Variants in TLK2 observed in about 807,000 individuals in gnomAD.
The protein encoded by TLK2 is serine/threonine-protein kinase tousled-like 2.
In TLK2, 6 loss-of-function variants were observed where a neutral mutation model predicts 117.3. The observed-to-expected ratio is 0.05, with a 90% CI of 0.03 to 0.10. The LOEUF is 0.10. TLK2 is among the 10% of genes least tolerant of loss of function. The probability of loss-of-function intolerance (pLI) is 1.00; values close to 1 mark genes in which losing one functional copy is unlikely to be tolerated. For missense variants in TLK2, 299 were observed against 901.2 expected, an observed-to-expected ratio of 0.33 and a Z score of 8.56; for synonymous variants, 257 against 316.7, an observed-to-expected ratio of 0.81 and a Z score of 2.00.
At chr17:62,500,223 C>T (rs2074075390) in intron 2 of TLK2, among the ~76,000 whole-genome samples, 1 of 151,646 alleles carries the variant, frequency 6.6e-6, no homozygotes, top group African/African-American at 2.4e-5. Context: ...GTGTGTACTA[C>T]CACACCTGGC....
chr17:62,560,920 G>A (rs2079216648), intron 10 of TLK2, among the ~76,000 whole-genome samples: 1 of 152,012 alleles, frequency 6.6e-6, no homozygotes, highest in African/African-American at 2.4e-5. Flanking sequence ...TTGATGTGCT[G>A]CATCCATCAA....
At chr17:62,483,593 C>T (rs1357681175) in intron 2 of TLK2, among the ~76,000 whole-genome samples, 1 of 152,202 alleles carries the variant, frequency 6.6e-6, no homozygotes, top group Non-Finnish European at 1.5e-5. Context: ...ACCTCCATCT[C>T]CCAGTCTCAA....
chr17:62,542,300 T>TGGG lies in TLK2; in HGVS notation c.531+5965_531+5966insGGG, dbSNP rs543052830. 4.5e-4 allele frequency among the ~76,000 whole-genome samples: 69 copies of TGGG among 152,354 alleles called. 1 individual carries two copies. In the South Asian group the frequency reaches 0.012, roughly 26 times the overall value. ...TCCTTATTTAATCTTATTTATTTAT[T>TGGG]GGTGGAGACAGGGTCCCACTGTGTT... On this transcript the variant is annotated intron_variant, in intron 7 of 21. Coordinates refer to ENST00000346027, the MANE Select transcript of TLK2 (RefSeq NM_006852.6).
At chr17:62,543,069 T>G (rs1177045003) in intron 7 of TLK2, among the ~76,000 whole-genome samples, 1 of 152,230 alleles carries the variant, frequency 6.6e-6, no homozygotes, top group Non-Finnish European at 1.5e-5. Context: ...CTTAGTTCTT[T>G]CCTTTTAATT....
chr17:62,493,370 T>C lies in TLK2; in HGVS notation c.81+12164T>C, dbSNP rs1306094944. Among the ~76,000 whole-genome samples the C allele has an allele frequency of 2.6e-5, 4 of 152,234 alleles. No homozygotes were observed. In the East Asian group the frequency reaches 7.7e-4, roughly 29 times the overall value. The stretch of plus-strand genomic sequence containing the variant: ...GCATATACCACATCTTGTTTATTCA[T>C]TCATCTGTTGATGGACCCTCGGGTT... On this transcript the variant is annotated intron_variant, in intron 2 of 21. Coordinates refer to ENST00000346027, the MANE Select transcript of TLK2 (RefSeq NM_006852.6).
At chr17:62,607,934 A>G in intron 20 of TLK2, 107 bp from the exon 21 acceptor site, 2 of 910,712 alleles carry the variant, frequency 2.2e-6, no homozygotes, top group South Asian at 1.8e-5. Context: ...CCTTGCAGCA[A>G]TTCAAATTAG....
Position 62,614,090 on chromosome 17 carries a change from A to G in TLK2, c.*1525A>G, listed in dbSNP as rs1005136359. 2 of 150,770 alleles carry G rather than the reference A, an allele frequency of 1.3e-5. No individual in the cohort carries two copies. The highest frequency in any genetic ancestry group is 2.4e-5 in the African/African-American group (1 of 40,996). The allele number at this position is 150,770 out of a possible 1,614,324, so 9.3% of individuals were successfully genotyped here. A position where few individuals can be genotyped will look rare whatever the true frequency, so the allele number is the denominator to read the frequency against. On this transcript the variant is annotated 3_prime_UTR_variant, in exon 22 of 22. Transcript: ENST00000346027. ...AGTGAGCCGAGATGGCACCACTGCA[A>G]TCCAGCCTAGGCAACAGAATGAGAC...
rs571680424 is a variant in TLK2, at chr17:62,608,121, A to G, written c.2052A>G (p.Pro684=). Residue 684 remains proline, a synonymous_variant, in exon 21 of 22, where the codon CCA becomes CCG. Coordinates refer to ENST00000346027, the MANE Select transcript of TLK2 (RefSeq NM_006852.6). ...AAGCTACTGAAGTGCAGTTCCCGCC[A>G]AAGCCAGTAGTAACACCTGAAGCAA... ...ILKATEVQFP[P]KPVVTPEAKA... 7 of 1,613,996 alleles carry G rather than the reference A, an allele frequency of 4.3e-6. No homozygotes were observed. The South Asian group carries it at 7.7e-5, about 18-fold the overall frequency.
intron 2 of TLK2, among the ~76,000 whole-genome samples, chr17:62,484,785 G>A (rs545227435): frequency 2.7e-4 from 41 of 152,104 alleles, no homozygotes; most frequent in African/African-American, 8.9e-4. Context: ...GGCCAGGCAC[G>A]GTGGCTCACG....
At chr17:62,502,029 A>AT (rs371212708) in intron 2 of TLK2, among the ~76,000 whole-genome samples, 20,944 of 137,432 alleles carry the variant, frequency 0.15, 1,844 homozygotes, top group Non-Finnish European at 0.2. Flanking sequence ...AAAAATACCA[A>AT]TTTTTTTTTT....
intron 16 of TLK2, among the ~76,000 whole-genome samples, chr17:62,590,127 C>A (rs1439268941): frequency 2.6e-4 from 37 of 141,606 alleles, no homozygotes; most frequent in South Asian, 5.2e-4. Flanking sequence ...AAAAAAAAAA[C>A]AAAAAAAACA....
intron 2 of TLK2, chr17:62,516,821 T>G (rs2075636205): frequency 2.7e-6 from 3 of 1,117,282 alleles, no homozygotes; most frequent in Non-Finnish European, 2.6e-6. Context: ...TTAGTTCTTA[T>G]GTTTAGGTCT....
rs2083949643 is a variant in TLK2 at position 62,613,839 on chromosome 17, T to C, written c.*1274T>C. The C allele has an allele frequency of 6.6e-6, 1 of 152,058 alleles. No homozygotes were observed. The highest frequency in any genetic ancestry group is 2.4e-5 in the African/African-American group (1 of 41,370). The allele number at this position is 152,058 out of a possible 1,614,324, so 9.4% of individuals were successfully genotyped here. A position where few individuals can be genotyped will look rare whatever the true frequency, so the allele number is the denominator to read the frequency against. On this transcript the variant is annotated 3_prime_UTR_variant, in exon 22 of 22. Coordinates refer to ENST00000346027, the MANE Select transcript of TLK2 (RefSeq NM_006852.6). Reference sequence around the variant, plus strand: ...AAAATAATCTGAAAAGAAATAGATATTTCAGGCCGGGCCTGGTGGTTCACG... The same window carrying C: ...AAAATAATCTGAAAAGAAATAGATACTTCAGGCCGGGCCTGGTGGTTCACG...
intron 7 of TLK2, chr17:62,549,645 T>TC (rs943074169): frequency 4.6e-5 from 7 of 151,150 alleles, no homozygotes; most frequent in East Asian, 1.9e-4. Flanking sequence ...GACTTGGTGC[T>TC]CCCCCCCAAG....
intron 20 of TLK2, among the ~76,000 whole-genome samples, chr17:62,607,410 T>G (rs967072229): frequency 1.3e-5 from 2 of 151,044 alleles, no homozygotes; most frequent in Admixed American, 1.3e-4. Context: ...GTGCCTGTAG[T>G]CCCAGCTACT....
intron 2 of TLK2, among the ~76,000 whole-genome samples, chr17:62,505,844 A>G (rs1399518402): frequency 1.3e-5 from 2 of 152,220 alleles, no homozygotes; most frequent in South Asian, 2.1e-4. Context: ...GGTGCATGCC[A>G]TCATGCCTGG....
At position 62,552,532 on chromosome 17, in the gene TLK2, C is replaced by G. The variant is rs1330297924; in HGVS notation, c.627+135C>G. On this transcript the variant is annotated intron_variant, in intron 8 of 21. Coordinates refer to ENST00000346027, the MANE Select transcript of TLK2 (RefSeq NM_006852.6). ...CCTCATTATTTGTGTGTATTATATT[C>G]ATAACTTGCATTATGGGTATTTAAA... The G allele has an allele frequency of 2.8e-6, 4 of 1,429,152 alleles. No homozygotes were observed. The East Asian group carries it at 9.8e-5, about 35-fold the overall frequency. The allele number at this position is 1,429,152 out of a possible 1,614,324, so 88.5% of individuals were successfully genotyped here.
At chr17:62,576,861 G>T in intron 13 of TLK2, 86 bp downstream of exon 13, 1 of 1,004,494 alleles carries the variant, frequency 1.0e-6, no homozygotes, top group Non-Finnish European at 1.6e-6. Flanking sequence ...TTGGGTGAAT[G>T]TAATAGTAGC....
chr17:62,516,388 G>A, intron 2 of TLK2: 2 of 1,583,176 alleles, frequency 1.3e-6, no homozygotes, highest in Non-Finnish European at 1.7e-6. Flanking sequence ...TGCTGACCCA[G>A]CCCCAGCCTC....
Sources: gnomAD v4.1 joint callset for allele counts (sites outside exome capture counted in the v4.1 genomes callset) on GRCh38, gnomAD v4.1.1 for gene constraint, MANE v1.5 for transcripts, NCBI Gene and HGNC (gene_info 2026-07-23, HGNC 2026-07-21) for gene names.